TGM6: variants seen among roughly 807,000 people sequenced by gnomAD.
TGM6 encodes protein-glutamine gamma-glutamyltransferase 6.
TGM6 carries 74 observed loss-of-function variants against 77.5 expected under a neutral mutation model. That is an observed-to-expected ratio of 0.96 (90% CI 0.79 to 1.16). The LOEUF is 1.16. Ranked by LOEUF, TGM6 falls within the 50% of genes most tolerant of loss-of-function variation. The pLI is 0.00. For synonymous variants in TGM6, 383 were observed against 378.9 expected (o/e 1.01, Z -0.12); for missense variants, 968 against 940.2 (o/e 1.03, Z -0.39).
At chr20:2,385,301 G>A (rs1178531119) in intron 1 of TGM6, among the ~76,000 whole-genome samples, 1 of 152,102 alleles carries the variant, frequency 6.6e-6, no homozygotes, top group Non-Finnish European at 1.5e-5. Context: ...AACCAGTGCA[G>A]GAAAACCATG....
chr20:2,423,339 C>T (rs184433753), intron 10 of TGM6, among the ~76,000 whole-genome samples: 1 of 152,004 alleles, frequency 6.6e-6, no homozygotes, highest in African/African-American at 2.4e-5. Context: ...CCTCTCAAAC[C>T]CTGCCACTGC....
chr20:2,408,205 TTG>T (rs2084764346), intron 9 of TGM6, among the ~76,000 whole-genome samples: 1 of 152,156 alleles, frequency 6.6e-6, no homozygotes, highest in African/African-American at 2.4e-5. Context: ...TGACAGGGGC[TTG>T]TGCCTCTCTG....
intron 9 of TGM6, among the ~76,000 whole-genome samples, chr20:2,411,736 C>T (rs1480836437): frequency 6.6e-6 from 1 of 152,128 alleles, no homozygotes; most frequent in Non-Finnish European, 1.5e-5. Context: ...TGAAGTTAGA[C>T]TCTTACATTA....
chr20:2,407,007 A>G (rs1223889439), intron 9 of TGM6, among the ~76,000 whole-genome samples: 1 of 152,164 alleles, frequency 6.6e-6, no homozygotes, highest in African/African-American at 2.4e-5. Flanking sequence ...AGCCCTTACC[A>G]TGAGCTTTTA....
rs951751748 is a variant in TGM6 at position 2,397,843 on chromosome 20, G to A, written c.544-75G>A. 2.8e-5 allele frequency: 45 copies of A among 1,612,612 alleles called. No individual in the cohort carries two copies. The Middle Eastern group carries it at 5.0e-4, about 18-fold the overall frequency. On this transcript the variant is annotated intron_variant, in intron 4 of 12. Coordinates refer to ENST00000202625, the MANE Select transcript of TGM6 (RefSeq NM_198994.3). ...CCCTGCACAGATGGGGTGACTGACC[G>A]GGTGAGGGCTGTGGGAGGGCCTGGA...
intron 1 of TGM6, among the ~76,000 whole-genome samples, chr20:2,389,711 T>A (rs2084618307): frequency 6.6e-6 from 1 of 152,222 alleles, no homozygotes; most frequent in Non-Finnish European, 1.5e-5. Context: ...TAGTTAAGTA[T>A]GTAAATGCTT....
Position 2,396,493 on chromosome 20 carries a change from G to T in TGM6, c.425-13G>T. On this transcript the variant is annotated splice_polypyrimidine_tract_variant and intron_variant, in intron 3 of 12. Coordinates refer to ENST00000202625, the MANE Select transcript of TGM6 (RefSeq NM_198994.3). ...AGCCCCAGTCCACACCGGGCCTGATGACTGCTTTTCAGAGGACGATGTGTT... is the reference window on the plus strand; with the variant it reads ...AGCCCCAGTCCACACCGGGCCTGATTACTGCTTTTCAGAGGACGATGTGTT... 6.2e-7 allele frequency: 1 copy of T among 1,613,902 alleles called. No individual in the cohort carries two copies. The highest frequency in any genetic ancestry group is 1.1e-5 in the South Asian group (1 of 91,060).
At chr20:2,426,808 T>C (rs910821425) in intron 10 of TGM6, among the ~76,000 whole-genome samples, 2 of 152,178 alleles carry the variant, frequency 1.3e-5, no homozygotes, top group African/African-American at 4.8e-5. Flanking sequence ...ATGGACTATA[T>C]TAATTGACCT....
chr20:2,402,693 G>C (rs1029615112), intron 7 of TGM6, among the ~76,000 whole-genome samples: 7 of 152,326 alleles, frequency 4.6e-5, no homozygotes, highest in Middle Eastern at 3.4e-3. Context: ...CTTTCTGCAA[G>C]ACCTTGAGCA....
Position 2,400,419 on chromosome 20 carries a change from G to A in TGM6, c.964G>A (p.Glu322Lys). Reference sequence around the variant, plus strand: ...CGTGGACTCCTTCGGGCGGACCCTGGAGGACCTGACAGAAGACAGCATGTG... The same window carrying A: ...CGTGGACTCCTTCGGGCGGACCCTGAAGGACCTGACAGAAGACAGCATGTG... ...KYVDSFGRTL[E>K]DLTEDSMWNF... is the part of the protein sequence containing the mutation. Residue 322 changes from glutamate to lysine, a missense_variant, in exon 7 of 13, where the codon GAG becomes AAG. Coordinates refer to ENST00000202625, the MANE Select transcript of TGM6 (RefSeq NM_198994.3). 6.2e-7 allele frequency: 1 copy of A among 1,614,156 alleles called. No homozygotes were observed. The highest frequency in any genetic ancestry group is 8.5e-7 in the Non-Finnish European group (1 of 1,180,030).
intron 10 of TGM6, among the ~76,000 whole-genome samples, chr20:2,425,529 C>A (rs1443011498): frequency 6.6e-6 from 1 of 152,136 alleles, no homozygotes; most frequent in African/African-American, 2.4e-5. Flanking sequence ...TTTGTCCATT[C>A]TTTCACTAAT....
intron 10 of TGM6, among the ~76,000 whole-genome samples, chr20:2,426,077 T>A (rs1346471745): frequency 1.3e-5 from 2 of 152,196 alleles, no homozygotes; most frequent in African/African-American, 2.4e-5. Flanking sequence ...GCATTGAATC[T>A]ATAGATCAAG....
chr20:2,396,731 C>A lies in TGM6; in HGVS notation c.543+107C>A. 4.8e-6 allele frequency: 5 copies of A among 1,031,242 alleles called. No homozygotes were observed. The South Asian group carries it at 6.8e-5, about 14-fold the overall frequency. 63.9% of individuals were successfully genotyped at this position (1,031,242 alleles called of 1,614,324 possible). A position where few individuals can be genotyped will look rare whatever the true frequency, so the allele number is the denominator to read the frequency against. ...CTCTTCTCAGGAGGGACAAGGGGGG[C>A]TCACTCCTAGAGAAAACCCACTCAT... is the stretch of plus-strand genomic sequence containing the variant. On this transcript the variant is annotated intron_variant, in intron 4 of 12. Transcript: ENST00000202625.
At chr20:2,408,971 A>G (rs1006632063) in intron 9 of TGM6, among the ~76,000 whole-genome samples, 4 of 152,218 alleles carry the variant, frequency 2.6e-5, no homozygotes, top group Non-Finnish European at 5.9e-5. Flanking sequence ...ATTTAAAATC[A>G]GGTAGACTCT....
intron 9 of TGM6, among the ~76,000 whole-genome samples, 180 bp from the exon 10 acceptor site, chr20:2,417,052 A>G (rs1437063223): frequency 2.0e-5 from 3 of 152,290 alleles, no homozygotes; most frequent in African/African-American, 7.2e-5. Context: ...GGAAATTTGC[A>G]TTTTTATGTG....
intron 10 of TGM6, among the ~76,000 whole-genome samples, chr20:2,418,033 G>A (rs2084830799): frequency 6.6e-6 from 1 of 151,950 alleles, no homozygotes; most frequent in African/African-American, 2.4e-5. Flanking sequence ...GTTTTTTTGA[G>A]ACAGAGTCTC....
Position 2,403,473 on chromosome 20 carries a change from G to T in TGM6, c.1066G>T (p.Asp356Tyr). 1 of 1,614,192 alleles carries T rather than the reference G, an allele frequency of 6.2e-7. No homozygotes were observed. The highest frequency in any genetic ancestry group is 8.5e-7 in the Non-Finnish European group (1 of 1,180,034). ...CTCTTACAATGGCTGGCAGGTTCTGGATGCCACCCCCCAGGAGGAGAGTGA... is the reference window on the plus strand; with the variant it reads ...CTCTTACAATGGCTGGCAGGTTCTGTATGCCACCCCCCAGGAGGAGAGTGA... ...GPSYNGWQVL[D>Y]ATPQEESEGV... The change falls in exon 8 of 13, where the codon GAT (aspartate) becomes TAT (tyrosine). Residue 356 changes from aspartate (D) to tyrosine (Y), a missense_variant. Asp to Tyr is a radical substitution (Grantham distance 160). Coordinates refer to ENST00000202625, the MANE Select transcript of TGM6 (RefSeq NM_198994.3).
At chr20:2,392,364 C>T (rs1029720861) in intron 1 of TGM6, among the ~76,000 whole-genome samples, 8 of 152,338 alleles carry the variant, frequency 5.3e-5, no homozygotes, top group Middle Eastern at 3.4e-3. Context: ...GGAAGCCTTG[C>T]TTGTGCCCCT....
At chr20:2,409,678 C>T (rs1268377796) in intron 9 of TGM6, among the ~76,000 whole-genome samples, 2 of 151,046 alleles carry the variant, frequency 1.3e-5, no homozygotes, top group Non-Finnish European at 2.9e-5. Flanking sequence ...GGCCACTGCA[C>T]TCCAGCCTGG....
Sources: gnomAD v4.1 joint callset for allele counts (sites outside exome capture counted in the v4.1 genomes callset) on GRCh38, gnomAD v4.1.1 for gene constraint, MANE v1.5 for transcripts, NCBI Gene and HGNC (gene_info 2026-07-23, HGNC 2026-07-21) for gene names.